UCHL3: variants seen among roughly 807,000 people sequenced by gnomAD.
The protein encoded by UCHL3 is ubiquitin carboxyl-terminal hydrolase isozyme L3.
A neutral mutation model predicts 35.8 loss-of-function variants in UCHL3; 22 were observed. The ratio of observed to expected loss-of-function variants is 0.61; its 90% CI spans 0.44 to 0.88. The LOEUF is 0.88. UCHL3 is among the 40% of genes least tolerant of loss of function. The pLI, the probability that UCHL3 is intolerant of heterozygous loss-of-function variation, is 0.00. For missense variants in UCHL3, 229 were observed against 276.9 expected, an observed-to-expected ratio of 0.83 and a Z score of 1.23; for synonymous variants, 90 against 92.8, an observed-to-expected ratio of 0.97 and a Z score of 0.17.
chr13:75,565,809 G>A (rs2031664994), intron 3 of UCHL3, among the ~76,000 whole-genome samples: 1 of 152,050 alleles, frequency 6.6e-6, no homozygotes, highest in Admixed American at 6.6e-5. Context: ...TAACCTTTTT[G>A]CTATTTTTTA....
At chr13:75,583,720 T>G (rs1018870678) in intron 6 of UCHL3, among the ~76,000 whole-genome samples, 3 of 152,236 alleles carry the variant, frequency 2.0e-5, no homozygotes, top group African/African-American at 7.2e-5. Flanking sequence ...ATTACATTTA[T>G]GGTATGTCTA....
chr13:75,601,693 C>G (rs1355794194), intron 7 of UCHL3, among the ~76,000 whole-genome samples: 1 of 152,198 alleles, frequency 6.6e-6, no homozygotes, highest in Admixed American at 6.5e-5. Flanking sequence ...TATTGTGATA[C>G]TTGCTTCATT....
At chr13:75,578,507 AT>A (rs989094868) in intron 6 of UCHL3, among the ~76,000 whole-genome samples, 1 of 152,150 alleles carries the variant, frequency 6.6e-6, no homozygotes, top group African/African-American at 2.4e-5. Context: ...ACATACAAAG[AT>A]AAGTGAGACA....
chr13:75,569,485 G>A lies in UCHL3; in HGVS notation c.452G>A (p.Ser151Asn). The A allele has an allele frequency of 6.2e-7, 1 of 1,610,450 alleles. No homozygotes were observed. Among genetic ancestry groups the A allele is most frequent in the South Asian group, 1.1e-5 (1 of 89,700 alleles). ...YDAIRVTHET[S>N]AHEGQTEAPS... Reference sequence around the variant, plus strand: ...GCCATCCGAGTTACTCATGAGACCAGTGCCCATGAAGGTCAGACTGAGGTA... The same window carrying A: ...GCCATCCGAGTTACTCATGAGACCAATGCCCATGAAGGTCAGACTGAGGTA... Residue 151 changes from serine to asparagine, a missense_variant, in exon 6 of 9, where the codon AGT (serine) becomes AAT (asparagine). Physicochemically the swap from Ser to Asn is conservative, Grantham distance 46. Transcript: ENST00000377595.
chr13:75,569,301 A>C, intron 5 of UCHL3, 159 bp from the exon 6 acceptor site: 1 of 504,006 alleles, frequency 2.0e-6, no homozygotes. Flanking sequence ...GATTACCCAG[A>C]TATCATTCTT....
chr13:75,550,034 G>A, intron 2 of UCHL3, 47 bp downstream of exon 2: 1 of 1,613,802 alleles, frequency 6.2e-7, no homozygotes, highest in Non-Finnish European at 8.5e-7. Context: ...TTTTCTGTCT[G>A]CTCGGTCCGC....
In UCHL3 at chr13:75,566,845, C is replaced by T. The variant is rs572185099; in HGVS notation, c.334C>T (p.His112Tyr). The change falls in exon 4 of 9, where the codon CAC becomes TAC. Residue 112 changes from histidine to tyrosine, a missense_variant. Coordinates refer to ENST00000377595, the MANE Select transcript of UCHL3 (RefSeq NM_006002.5). ...HAIANNKDKM[H>Y]FESGSTLKKF... ...TATTGCAAACAATAAAGACAAGATG[C>T]ACTTTGGTAAATGATTTTTCATTAC... The T allele has an allele frequency of 7.6e-6, 12 of 1,588,294 alleles. No individual in the cohort carries two copies. In the South Asian group the frequency reaches 1.0e-4, roughly 14 times the overall value.
At chr13:75,568,303 G>C (rs1245433479) in intron 5 of UCHL3, among the ~76,000 whole-genome samples, 1 of 151,734 alleles carries the variant, frequency 6.6e-6, no homozygotes, top group African/African-American at 2.4e-5. Flanking sequence ...AAATTAATTG[G>C]TTTGATTATG....
chr13:75,559,331 C>T (rs1050667079), intron 2 of UCHL3, among the ~76,000 whole-genome samples: 8 of 139,428 alleles, frequency 5.7e-5, no homozygotes, highest in African/African-American at 1.9e-4. Context: ...TGAGCCACCG[C>T]GCCCGGCCCT....
intron 5 of UCHL3, among the ~76,000 whole-genome samples, chr13:75,567,825 A>G (rs7989619): frequency 0.99 from 150,845 of 152,272 alleles, 74,734 homozygotes; most frequent in Middle Eastern, 1. Flanking sequence ...TGGGATTACA[A>G]ACATGAGCCA....
intron 6 of UCHL3, among the ~76,000 whole-genome samples, chr13:75,589,471 A>T (rs1320576041): frequency 1.3e-5 from 2 of 152,014 alleles, no homozygotes; most frequent in Non-Finnish European, 2.9e-5. Flanking sequence ...TCTTGTTTAT[A>T]TTTTAAAGTT....
chr13:75,593,755 G>A (rs2032572516), intron 6 of UCHL3, among the ~76,000 whole-genome samples: 1 of 152,124 alleles, frequency 6.6e-6, no homozygotes, highest in Non-Finnish European at 1.5e-5. Context: ...TGTGAGATTA[G>A]GTGAAACACT....
At chr13:75,555,238 A>G (rs1446642603) in intron 2 of UCHL3, among the ~76,000 whole-genome samples, 1 of 152,144 alleles carries the variant, frequency 6.6e-6, no homozygotes, top group Non-Finnish European at 1.5e-5. Context: ...AGTTCAAGTC[A>G]TCTCATCAGT....
chr13:75,577,522 C>A (rs377123195), intron 6 of UCHL3, among the ~76,000 whole-genome samples: 11 of 152,034 alleles, frequency 7.2e-5, no homozygotes, highest in African/African-American at 2.7e-4. Context: ...AACCAATAGT[C>A]CGTGGATATC....
In UCHL3 at chr13:75,592,425, T is replaced by TATATGTATATACATATATAC. The variant is rs1172818362; in HGVS notation, c.475-2486_475-2485insGTATATACATATATACATAT. 8.6e-3 allele frequency among the ~76,000 whole-genome samples: 544 copies of TATATGTATATACATATATAC among 63,438 alleles called. 62 individuals are homozygous for TATATGTATATACATATATAC. Among genetic ancestry groups the TATATGTATATACATATATAC allele is most frequent in the African/African-American group, 0.024 (393 of 16,140 alleles). 41.6% of individuals were successfully genotyped at this position (63,438 alleles called of 152,430 possible). ...TTTTAATTTTTCCTTCATATATATATATATATATATATATATATATATATA... is the reference window on the plus strand; with the variant it reads ...TTTTAATTTTTCCTTCATATATATATATATGTATATACATATATACATATATATATATATATATATATATA... On this transcript the variant is annotated intron_variant, in intron 6 of 8. Transcript: ENST00000377595.
At chr13:75,558,703 C>T (rs1166047336) in intron 2 of UCHL3, among the ~76,000 whole-genome samples, 1 of 152,096 alleles carries the variant, frequency 6.6e-6, no homozygotes, top group Non-Finnish European at 1.5e-5. Flanking sequence ...ATACAGATGG[C>T]TAGGTTATCT....
At chr13:75,556,424 A>G (rs1217815981) in intron 2 of UCHL3, among the ~76,000 whole-genome samples, 1 of 152,258 alleles carries the variant, frequency 6.6e-6, no homozygotes, top group Admixed American at 6.5e-5. Context: ...CTAGGTAAGT[A>G]TAATTTTACA....
chr13:75,560,793 T>C lies in UCHL3; in HGVS notation c.95T>C (p.Val32Ala). Residue 32 changes from valine to alanine, a missense_variant, in exon 3 of 9, where the codon GTT becomes GCT. Val to Ala is a moderately conservative substitution (Grantham distance 64). Transcript: ENST00000377595. ...QLGLHPNWQF[V>A]DVYGMDPELL... The stretch of plus-strand genomic sequence containing the variant: ...GGTCTACATCCTAACTGGCAATTCG[T>C]TGATGTATATGGAATGGATCCTGAA... 1 of 1,602,506 alleles carries C rather than the reference T, an allele frequency of 6.2e-7. No homozygotes were observed. The highest frequency in any genetic ancestry group is 8.5e-7 in the Non-Finnish European group (1 of 1,176,326).
chr13:75,560,355 T>A (rs2031452353), intron 2 of UCHL3, among the ~76,000 whole-genome samples: 1 of 152,220 alleles, frequency 6.6e-6, no homozygotes, highest in African/African-American at 2.4e-5. Context: ...TCCAGGCTTA[T>A]TAAATTCAAT....
Sources: allele counts gnomAD v4.1 joint callset (sites outside exome capture counted in the v4.1 genomes callset), GRCh38; gene constraint gnomAD v4.1.1; transcripts MANE v1.5; gene names NCBI Gene and HGNC (gene_info 2026-07-23, HGNC 2026-07-21).